The following KIF13A variants were observed in gnomAD, a reference collection of about 807,000 sequenced individuals.
The protein encoded by KIF13A is kinesin-like protein KIF13A.
A neutral mutation model predicts 212.2 loss-of-function variants in KIF13A; 79 were observed. The observed-to-expected ratio is 0.37, with a 90% CI of 0.31 to 0.45. The LOEUF is 0.45. KIF13A is among the 20% of genes least tolerant of loss of function. The pLI is 1.00. For synonymous variants in KIF13A, 789 were observed against 808.6 expected (o/e 0.98, Z 0.41); for missense variants, 1,901 against 2,209.0 (o/e 0.86, Z 2.79).
In KIF13A at chr6:17,786,115, A is replaced by G. The variant is rs1183931526; in HGVS notation, c.3362-474T>C. Among the ~76,000 whole-genome samples, 1 of 152,222 alleles carries G rather than the reference A, an allele frequency of 6.6e-6. No homozygotes were observed. The highest frequency in any genetic ancestry group is 1.5e-5 in the Non-Finnish European group (1 of 68,030). On this transcript the variant is annotated intron_variant, in intron 27 of 38. Coordinates refer to ENST00000259711, the MANE Select transcript of KIF13A (RefSeq NM_022113.6). This position sits in a 1 kb window ranked among gnomAD's most constrained non-coding sequence, Gnocchi z 5.4. ...TAGCAGAAAGAGCATTGGAACAGCA[A>G]TTATGAGACTGAGGTTATTTTACTG...
chr6:17,928,273 A>G (rs1047944625), intron 2 of KIF13A, among the ~76,000 whole-genome samples: 1 of 152,132 alleles, frequency 6.6e-6, no homozygotes, highest in Non-Finnish European at 1.5e-5. Flanking sequence ...GTGTGAACAT[A>G]TTTTTGGGGT....
chr6:17,771,927 C>G lies in KIF13A; in HGVS notation c.4457G>C (p.Arg1486Thr), dbSNP rs375333105. 1.9e-6 allele frequency: 3 copies of G among 1,613,848 alleles called. No individual in the cohort carries two copies. Among genetic ancestry groups the G allele is most frequent in the Non-Finnish European group, 2.5e-6 (3 of 1,179,876 alleles). ...ATTTACCTCCTGGCTTAGAAGAGGC[C>G]TTGCTTCCAGGGCTATCCTTTTCTT... ...EHKKRIALEA[R>T]PLLSQESMPP... The change falls in exon 37 of 39, where the codon AGG becomes ACG. Residue 1486 changes from arginine (R) to threonine (T), a missense_variant. Transcript: ENST00000259711. This position sits in a 1 kb window ranked among gnomAD's most constrained non-coding sequence, Gnocchi z 5.4.
At chr6:17,891,983 TCTTC>T (rs1449715719) in intron 3 of KIF13A, among the ~76,000 whole-genome samples, 1 of 152,152 alleles carries the variant, frequency 6.6e-6, no homozygotes, top group East Asian at 1.9e-4. Flanking sequence ...AAGAGATACC[TCTTC>T]CTCCACTTCC....
Position 17,768,854 on chromosome 6 carries a change from A to G in KIF13A, c.4581+2260T>C, listed in dbSNP as rs1395439794. Among the ~76,000 whole-genome samples, 1 of 152,222 alleles carries G rather than the reference A, an allele frequency of 6.6e-6. No homozygotes were observed. The highest frequency in any genetic ancestry group is 1.9e-4 in the East Asian group (1 of 5,204). ...TCTATGCTTTATGACTTAAAAAGAC[A>G]GACTCCAAAGGCATATTGTTGCTTC... On this transcript the variant is annotated intron_variant, in intron 38 of 38. Transcript: ENST00000259711. The surrounding 1 kb of genome is among the most constrained non-coding windows in gnomAD (Gnocchi z 5.4).
At chr6:17,962,621 G>A (rs1355923852) in intron 2 of KIF13A, among the ~76,000 whole-genome samples, 3 of 152,166 alleles carry the variant, frequency 2.0e-5, no homozygotes, top group Non-Finnish European at 4.4e-5. Context: ...GCTGGTGTGG[G>A]GGCTGTGTGC....
chr6:17,833,003 G>GA (rs1765582387), intron 12 of KIF13A, among the ~76,000 whole-genome samples: 3 of 109,230 alleles, frequency 2.7e-5, no homozygotes, highest in Middle Eastern at 7.5e-3. Context: ...GACAGAGAGA[G>GA]ACTCTGTCTG....
intron 13 of KIF13A, among the ~76,000 whole-genome samples, 192 bp downstream of exon 13, chr6:17,830,909 C>T (rs79207263): frequency 0.062 from 9,505 of 152,134 alleles, 376 homozygotes; most frequent in Middle Eastern, 0.088. Context: ...TCAGCCCCAA[C>T]TGCACAGCCC....
chr6:17,876,623 G>GCATTCATTCATTCATT (rs56349524), intron 3 of KIF13A, among the ~76,000 whole-genome samples: 90 of 150,758 alleles, frequency 6.0e-4, no homozygotes, highest in South Asian at 4.8e-3. Context: ...GTGTGAGACA[G>GCATTCATTCATTCATT]CATTCATTCA....
intron 11 of KIF13A, among the ~76,000 whole-genome samples, chr6:17,835,719 C>T (rs1765896766): frequency 1.3e-5 from 2 of 152,246 alleles, no homozygotes; most frequent in Non-Finnish European, 2.9e-5. Context: ...GCCAAGATCA[C>T]CAATTAATAG....
intron 3 of KIF13A, among the ~76,000 whole-genome samples, chr6:17,878,146 T>C (rs1282266178): frequency 2.0e-5 from 3 of 152,080 alleles, no homozygotes; most frequent in African/African-American, 7.2e-5. Flanking sequence ...TAAACACATA[T>C]GACGCCAGGA....
In KIF13A at chr6:17,783,762, TA is replaced by T. The variant is rs1361973716; in HGVS notation, c.3489-62del. ...ATGTATTTTACATCTTGTTAGCTGA[TA>T]AAACACCACAGAGCTGTGGAAGCAA... On this transcript the variant is annotated intron_variant, in intron 28 of 38. Coordinates refer to ENST00000259711, the MANE Select transcript of KIF13A (RefSeq NM_022113.6). This position sits in a 1 kb window ranked among gnomAD's most constrained non-coding sequence, Gnocchi z 4.3. 3.7e-6 allele frequency: 4 copies of T among 1,080,384 alleles called. No homozygotes were observed. The highest frequency in any genetic ancestry group is 5.6e-6 in the Non-Finnish European group (4 of 718,790). The allele number at this position is 1,080,384 out of a possible 1,614,324, so 66.9% of individuals were successfully genotyped here.
chr6:17,789,696 G>T lies in KIF13A; in HGVS notation c.3261+176C>A, dbSNP rs910812883. Among the ~76,000 whole-genome samples, 1 of 152,088 alleles carries T rather than the reference G, an allele frequency of 6.6e-6. No homozygotes were observed. Among genetic ancestry groups the T allele is most frequent in the Non-Finnish European group, 1.5e-5 (1 of 68,026 alleles). On this transcript the variant is annotated intron_variant, in intron 26 of 38. Coordinates refer to ENST00000259711, the MANE Select transcript of KIF13A (RefSeq NM_022113.6). The surrounding 1 kb of genome is among the most constrained non-coding windows in gnomAD (Gnocchi z 4.8). ...TAGTTATAAATTTTGAACTGACAAG[G>T]CATCTATAGAAATAATATTGTGTTT... is the stretch of plus-strand genomic sequence containing the variant.
chr6:17,987,342 C>T lies in KIF13A; in HGVS notation c.55+67G>A. The T allele has an allele frequency of 8.6e-7, 1 of 1,167,074 alleles. No homozygotes were observed. Among genetic ancestry groups the T allele is most frequent in the Non-Finnish European group, 1.1e-6 (1 of 891,782 alleles). The allele number at this position is 1,167,074 out of a possible 1,614,324, so 72.3% of individuals were successfully genotyped here. A position where few individuals can be genotyped will look rare whatever the true frequency, so the allele number is the denominator to read the frequency against. On this transcript the variant is annotated intron_variant, in intron 1 of 38. Transcript: ENST00000259711. The surrounding 1 kb of genome is among the most constrained non-coding windows in gnomAD (Gnocchi z 7.7). ...GGCCGCGCTCTCGCCGTCCCGGCCCCGCAGTTTCTAAAGTTGCCCCCGCCC... is the reference window on the plus strand; with the variant it reads ...GGCCGCGCTCTCGCCGTCCCGGCCCTGCAGTTTCTAAAGTTGCCCCCGCCC...
At chr6:17,933,030 T>C (rs1364490231) in intron 2 of KIF13A, among the ~76,000 whole-genome samples, 1 of 152,112 alleles carries the variant, frequency 6.6e-6, no homozygotes, top group Non-Finnish European at 1.5e-5. Context: ...AAGATAAGAA[T>C]ATCTAAAGTG....
At chr6:17,801,106 T>G (rs996774123) in intron 20 of KIF13A, among the ~76,000 whole-genome samples, 2 of 152,120 alleles carry the variant, frequency 1.3e-5, no homozygotes, top group African/African-American at 2.4e-5. Flanking sequence ...ACTTATTCAT[T>G]TGACCAAACA....
At chr6:17,822,893 C>T (rs7770400) in intron 16 of KIF13A, among the ~76,000 whole-genome samples, 84,717 of 152,164 alleles carry the variant, frequency 0.56, 23,790 homozygotes, top group African/African-American at 0.6. Flanking sequence ...TGAATCTTGA[C>T]TCCTAGCTAT....
chr6:17,783,711 A>G lies in KIF13A; in HGVS notation c.3489-10T>C. On this transcript the variant is annotated splice_polypyrimidine_tract_variant and intron_variant, in intron 28 of 38. Coordinates refer to ENST00000259711, the MANE Select transcript of KIF13A (RefSeq NM_022113.6). The surrounding 1 kb of genome is among the most constrained non-coding windows in gnomAD (Gnocchi z 4.3). ...TCCAGGAGGTGGGATCCTAAATTTA[A>G]TAACAACATTTAATCATAACAAAAT... 2.0e-6 allele frequency: 3 copies of G among 1,531,030 alleles called. No homozygotes were observed. The highest frequency in any genetic ancestry group is 2.7e-6 in the Non-Finnish European group (3 of 1,121,188). The allele number at this position is 1,531,030 out of a possible 1,614,324, so 94.8% of individuals were successfully genotyped here.
intron 2 of KIF13A, among the ~76,000 whole-genome samples, chr6:17,910,623 T>A (rs1260589577): frequency 3.3e-5 from 5 of 152,360 alleles, no homozygotes; most frequent in African/African-American, 1.2e-4. Context: ...TAACTGTTAG[T>A]TTTTGTCAAA....
At chr6:17,762,092 A>C (rs1424370271), downstream of KIF13A, among the ~76,000 whole-genome samples, 1 of 152,140 alleles carries the variant, frequency 6.6e-6, no homozygotes, top group Non-Finnish European at 1.5e-5. Flanking sequence ...TTAAACAGAG[A>C]TAGGATCTTG....
Sources: gnomAD v4.1 joint callset for allele counts (sites outside exome capture counted in the v4.1 genomes callset) on GRCh38, gnomAD v4.1.1 for gene constraint, Gnocchi (gnomAD v3.1) non-coding constraint, MANE v1.5 for transcripts, NCBI Gene and HGNC (gene_info 2026-07-23, HGNC 2026-07-21) for gene names.